Variants in SKP2 observed in about 807,000 individuals in gnomAD.
SKP2 encodes the protein S-phase kinase associated protein 2.
Under a neutral mutation model 51.8 loss-of-function variants are expected in SKP2, and 16 were observed. That is an observed-to-expected ratio of 0.31 (90% confidence interval 0.21 to 0.47). The LOEUF is 0.47. Among genes scored for constraint, SKP2 ranks in the 20% least tolerant of loss-of-function variants. The pLI, the probability that SKP2 is intolerant of heterozygous loss-of-function variation, is 1.00. For synonymous variants in SKP2, 176 were observed against 198.6 expected (o/e 0.89, Z 0.96); for missense variants, 377 against 505.3 (o/e 0.75, Z 2.43).
chr5:36,186,331 A>T (rs922234411), downstream of SKP2, among the ~76,000 whole-genome samples: 10 of 152,218 alleles, frequency 6.6e-5, no homozygotes, highest in Non-Finnish European at 1.3e-4. Context: ...GTCTTAGGCC[A>T]GTGTTCAAAG....
intron 3 of SKP2, among the ~76,000 whole-genome samples, chr5:36,164,178 G>A (rs377617466): frequency 6.6e-6 from 1 of 152,336 alleles, no homozygotes. Context: ...CGCTCTGCAT[G>A]ACCTGAGTGA....
intron 2 of SKP2, among the ~76,000 whole-genome samples, chr5:36,157,406 G>A (rs1355403796): frequency 6.6e-6 from 1 of 152,164 alleles, no homozygotes; most frequent in African/African-American, 2.4e-5. Context: ...GGGACTGAAG[G>A]GGTACATGGG....
At chr5:36,168,697 T>C (rs1315928406) in intron 5 of SKP2, among the ~76,000 whole-genome samples, 2 of 152,232 alleles carry the variant, frequency 1.3e-5, no homozygotes, top group Non-Finnish European at 2.9e-5. Context: ...ATGTGTATTA[T>C]TTGGGAAGAA....
At chr5:36,167,922 C>A (rs1233735141) in intron 4 of SKP2, among the ~76,000 whole-genome samples, 2 of 152,118 alleles carry the variant, frequency 1.3e-5, no homozygotes, top group Admixed American at 6.6e-5. Flanking sequence ...CCAGCCTGGT[C>A]TCCCTTTAAA....
Position 36,152,824 on chromosome 5 carries a change from C to T in SKP2, c.62C>T (p.Thr21Met). The T allele has an allele frequency of 6.2e-7, 1 of 1,614,040 alleles. No individual in the cohort carries two copies. The highest frequency in any genetic ancestry group is 8.5e-7 in the Non-Finnish European group (1 of 1,179,994). Residue 21 changes from threonine to methionine, a missense_variant, in exon 2 of 10, where the codon ACG becomes ATG. Physicochemically the swap from Thr to Met is moderately conservative, Grantham distance 81 (BLOSUM62 -1). Coordinates refer to ENST00000274255, the MANE Select transcript of SKP2 (RefSeq NM_005983.4). ...AGTAGCAACGTTGCCACCAGCTTCA[C>T]GTGGGGATGGGATTCCAGCAAGACT... ...DLSSNVATSF[T>M]WGWDSSKTSE...
chr5:36,189,576 TG>T (rs1026231466), intron 6 of SKP2, among the ~76,000 whole-genome samples: 8 of 152,352 alleles, frequency 5.3e-5, no homozygotes, highest in Non-Finnish European at 8.8e-5. Context: ...ACCGTTCCTC[TG>T]GAAGTTTCAT....
intron 7 of SKP2, among the ~76,000 whole-genome samples, chr5:36,172,571 G>A (rs1745508475): frequency 6.6e-6 from 1 of 152,132 alleles, no homozygotes; most frequent in Non-Finnish European, 1.5e-5. Context: ...ACCATATCTT[G>A]ATGTTAGTAC....
downstream of SKP2, among the ~76,000 whole-genome samples, chr5:36,185,311 G>A (rs1224162681): frequency 6.6e-6 from 1 of 152,190 alleles, no homozygotes; most frequent in Non-Finnish European, 1.5e-5. Flanking sequence ...TGCTTTTGGT[G>A]TTTTAGACAT....
chr5:36,153,051 A>G lies in SKP2; in HGVS notation c.280+9A>G. 1.2e-6 allele frequency: 2 copies of G among 1,611,072 alleles called. No homozygotes were observed. Among genetic ancestry groups the G allele is most frequent in the Non-Finnish European group, 1.7e-6 (2 of 1,177,632 alleles). ...TCGAGAGAACTTTCCAGGTAAGGAC[A>G]TGAGGGTAAAAATGTCAGTTATGCA... On this transcript the variant is annotated intron_variant, in intron 2 of 9. Coordinates refer to ENST00000274255, the MANE Select transcript of SKP2 (RefSeq NM_005983.4).
intron 4 of SKP2, among the ~76,000 whole-genome samples, chr5:36,167,171 A>G (rs940819141): frequency 6.6e-6 from 1 of 152,132 alleles, no homozygotes; most frequent in African/African-American, 2.4e-5. Context: ...TGTTCTGATA[A>G]TTTTGCAATA....
intron 2 of SKP2, among the ~76,000 whole-genome samples, chr5:36,153,532 A>T (rs1038443246): frequency 1.3e-5 from 2 of 152,020 alleles, no homozygotes; most frequent in African/African-American, 4.8e-5. Flanking sequence ...TTCTCCTGGT[A>T]TGTTCTGTCT....
chr5:36,187,681 C>T (rs1745969159), downstream of SKP2, among the ~76,000 whole-genome samples: 1 of 152,054 alleles, frequency 6.6e-6, no homozygotes, highest in Non-Finnish European at 1.5e-5. Flanking sequence ...GGGATAAGTG[C>T]TATGTGGTGC....
intron 6 of SKP2, among the ~76,000 whole-genome samples, chr5:36,189,875 G>A (rs1165509535): frequency 2.6e-5 from 4 of 152,148 alleles, no homozygotes; most frequent in Admixed American, 6.5e-5. Context: ...CACCCAGTTC[G>A]AGCTTCCTGG....
chr5:36,193,328 T>C (rs1746089639), intron 7 of SKP2: 1 of 151,848 alleles, frequency 6.6e-6, no homozygotes, highest in African/African-American at 2.4e-5. Context: ...TACAAAAAAT[T>C]AGCCAGGCAT....
chr5:36,183,231 G>C lies in SKP2; in HGVS notation c.*1200G>C. On this transcript the variant is annotated 3_prime_UTR_variant, in exon 10 of 10. Coordinates refer to ENST00000274255, the MANE Select transcript of SKP2 (RefSeq NM_005983.4). ...TCAGTGATATATATTTTTTTAAACT[G>C]GTACAGAGAAGTGAAAAGATTAAAT... 3.1e-6 allele frequency: 3 copies of C among 952,938 alleles called. No homozygotes were observed. Among genetic ancestry groups the C allele is most frequent in the Non-Finnish European group, 1.2e-6 (1 of 800,854 alleles). 59.0% of individuals were successfully genotyped at this position (952,938 alleles called of 1,614,324 possible).
At chr5:36,153,210 GTAGATATATATA>G (rs1205064224) in intron 2 of SKP2, among the ~76,000 whole-genome samples, 168 bp downstream of exon 2, 1 of 122,648 alleles carries the variant, frequency 8.2e-6, no homozygotes, top group Admixed American at 8.4e-5. Context: ...AGGAATCTTG[GTAGATATATATA>G]TATATATATA....
rs1014863778 is a variant in SKP2 at position 36,182,400 on chromosome 5, A to G, written c.*369A>G. ...CACCAGCAAACAATCTTCATAGCCCATATAACTTTTATCTATTTAATTTTA... is the reference window on the plus strand; with the variant it reads ...CACCAGCAAACAATCTTCATAGCCCGTATAACTTTTATCTATTTAATTTTA... On this transcript the variant is annotated 3_prime_UTR_variant, in exon 10 of 10. Coordinates refer to ENST00000274255, the MANE Select transcript of SKP2 (RefSeq NM_005983.4). The G allele has an allele frequency of 4.9e-6, 5 of 1,017,000 alleles. No homozygotes were observed. The highest frequency in any genetic ancestry group is 3.5e-6 in the Non-Finnish European group (3 of 848,674). 63.0% of individuals were successfully genotyped at this position (1,017,000 alleles called of 1,614,324 possible). A position where few individuals can be genotyped will look rare whatever the true frequency, so the allele number is the denominator to read the frequency against.
At chr5:36,190,891 A>G (rs1222764882) in intron 6 of SKP2, among the ~76,000 whole-genome samples, 3 of 152,138 alleles carry the variant, frequency 2.0e-5, no homozygotes, top group African/African-American at 7.2e-5. Flanking sequence ...TGAATCCTGA[A>G]GCATTGTATA....
intron 7 of SKP2, among the ~76,000 whole-genome samples, chr5:36,176,270 A>C (rs945450240): frequency 6.6e-6 from 1 of 151,806 alleles, no homozygotes; most frequent in Non-Finnish European, 1.5e-5. Context: ...CTCACTGTTT[A>C]ATATATGTTG....
Sources: gnomAD v4.1 joint callset for allele counts (sites outside exome capture counted in the v4.1 genomes callset) on GRCh38, gnomAD v4.1.1 for gene constraint, MANE v1.5 for transcripts, NCBI Gene and HGNC (gene_info 2026-07-23, HGNC 2026-07-21) for gene names.